The following SS18 variants were observed in gnomAD, a reference collection of about 807,000 sequenced individuals.
The protein encoded by SS18 is SS18 subunit of BAF chromatin remodeling complex, also known as protein SSXT.
A neutral mutation model predicts 72.5 loss-of-function variants in SS18; 28 were observed. The ratio of observed to expected loss-of-function variants is 0.39; its 90% CI spans 0.29 to 0.53. The LOEUF is 0.53. Among genes scored for constraint, SS18 ranks in the 20% least tolerant of loss-of-function variants. The probability of loss-of-function intolerance (pLI) is 0.76; values close to 1 mark genes in which losing one functional copy is unlikely to be tolerated. For synonymous variants in SS18, 172 were observed against 164.2 expected (o/e 1.05, Z -0.37); for missense variants, 518 against 535.3 (o/e 0.97, Z 0.32).
intron 2 of SS18, among the ~76,000 whole-genome samples, chr18:26,081,756 TCC>T (rs2054527581): frequency 1.3e-5 from 2 of 151,270 alleles, no homozygotes; most frequent in African/African-American, 4.9e-5. Flanking sequence ...AATGTTTTAT[TCC>T]TAAAACAGTA....
intron 10 of SS18, among the ~76,000 whole-genome samples, chr18:26,027,398 C>A (rs1157952995): frequency 6.6e-6 from 1 of 151,898 alleles, no homozygotes; most frequent in African/African-American, 2.4e-5. Flanking sequence ...CCTGTAATCC[C>A]AGCACTCTAG....
At chr18:26,089,127 T>C (rs944970861) in intron 1 of SS18, among the ~76,000 whole-genome samples, 1 of 152,212 alleles carries the variant, frequency 6.6e-6, no homozygotes, top group African/African-American at 2.4e-5. Flanking sequence ...CATTTTTCTG[T>C]TCAGCTGAGA....
At chr18:26,050,561 A>G (rs1210131763) in intron 5 of SS18, among the ~76,000 whole-genome samples, 1 of 152,172 alleles carries the variant, frequency 6.6e-6, no homozygotes, top group Non-Finnish European at 1.5e-5. Flanking sequence ...AAATGCTTTT[A>G]TAAGAAACTC....
At chr18:26,090,685 C>A, upstream of SS18, 1 of 1,112,162 alleles carries the variant, frequency 9.0e-7, no homozygotes. Context: ...AGGGGGGATG[C>A]TCCGGGGCCA....
chr18:26,041,289 T>C (rs2053718636), intron 5 of SS18, among the ~76,000 whole-genome samples: 1 of 152,064 alleles, frequency 6.6e-6, no homozygotes, highest in African/African-American at 2.4e-5. Flanking sequence ...CCAGGCATGG[T>C]GGTGCACACC....
At chr18:26,090,164 G>T (rs1007659518) in intron 1 of SS18, 19 of 309,790 alleles carry the variant, frequency 6.1e-5, no homozygotes, top group Non-Finnish European at 1.0e-4. Context: ...GGGGCCGCCG[G>T]TCCGACACAC....
rs549083772 is a variant in SS18, at chr18:26,018,414, T to C, written c.1231-34A>G. ...TAAATTTAAAAATATAATTAGATAA[T>C]AGTTTGACCATAACAGGCAAAGAAG... On this transcript the variant is annotated intron_variant, in intron 10 of 10. Coordinates refer to ENST00000415083, the MANE Select transcript of SS18 (RefSeq NM_001007559.3). 8 of 1,423,856 alleles carry C rather than the reference T, an allele frequency of 5.6e-6. No homozygotes were observed. The African/African-American group carries it at 8.6e-5, about 15-fold the overall frequency. 88.2% of individuals were successfully genotyped at this position (1,423,856 alleles called of 1,614,324 possible).
chr18:26,030,505 G>A (rs963295934), intron 10 of SS18, among the ~76,000 whole-genome samples: 5 of 152,154 alleles, frequency 3.3e-5, no homozygotes, highest in African/African-American at 1.2e-4. Context: ...TAAAGACTGA[G>A]TCCACGTCTA....
rs573451882 is a variant in SS18 at position 26,022,596 on chromosome 18, A to C, written c.1231-4216T>G. 2.6e-5 allele frequency among the ~76,000 whole-genome samples: 4 copies of C among 152,310 alleles called. No homozygotes were observed. In the South Asian group the frequency reaches 8.3e-4, roughly 32 times the overall value. On this transcript the variant is annotated intron_variant, in intron 10 of 10. Coordinates refer to ENST00000415083, the MANE Select transcript of SS18 (RefSeq NM_001007559.3). ...CTTGAGAGTTTCCAGTCTGCAGTGC[A>C]CGAAGGGGAACTGAGGCTGAGTCTG...
intron 3 of SS18, among the ~76,000 whole-genome samples, chr18:26,063,904 G>C (rs542690362): frequency 3.6e-4 from 55 of 152,020 alleles, no homozygotes; most frequent in Non-Finnish European, 5.0e-4. Context: ...ATCAAGAAAA[G>C]ACAGAAATTC....
chr18:26,049,972 C>T (rs1398693574), intron 5 of SS18, among the ~76,000 whole-genome samples: 3 of 152,242 alleles, frequency 2.0e-5, no homozygotes, highest in Admixed American at 6.5e-5. Flanking sequence ...TTGGGCCCAG[C>T]GCAGTGGCTT....
At position 26,090,240 on chromosome 18, in the gene SS18, G is replaced by C; in HGVS notation, c.69+261C>G. 7.7e-6 allele frequency: 4 copies of C among 520,214 alleles called. No individual in the cohort carries two copies. The South Asian group carries it at 9.6e-5, about 13-fold the overall frequency. The allele number at this position is 520,214 out of a possible 1,614,324, so 32.2% of individuals were successfully genotyped here. A position where few individuals can be genotyped will look rare whatever the true frequency, so the allele number is the denominator to read the frequency against. ...CAGCCCGAACGCCGCCCCATCCCTAGAGAAATCAGGCGGCGGCTGTTTGGG... is the reference window on the plus strand; with the variant it reads ...CAGCCCGAACGCCGCCCCATCCCTACAGAAATCAGGCGGCGGCTGTTTGGG... On this transcript the variant is annotated intron_variant, in intron 1 of 10. Coordinates refer to ENST00000415083, the MANE Select transcript of SS18 (RefSeq NM_001007559.3).
At chr18:26,030,907 T>C (rs533887523) in intron 10 of SS18, among the ~76,000 whole-genome samples, 14 of 151,974 alleles carry the variant, frequency 9.2e-5, no homozygotes, top group Admixed American at 6.6e-4. Context: ...TTCAGAAATA[T>C]AGAAACTAAA....
intron 5 of SS18, among the ~76,000 whole-genome samples, chr18:26,047,927 A>G (rs565771420): frequency 6.6e-6 from 1 of 152,390 alleles, no homozygotes; most frequent in East Asian, 1.9e-4. Flanking sequence ...AATTCACATA[A>G]GGCAAACAGA....
At chr18:26,034,248 G>A (rs979970967) in intron 9 of SS18, among the ~76,000 whole-genome samples, 6 of 152,098 alleles carry the variant, frequency 3.9e-5, no homozygotes, top group Non-Finnish European at 8.8e-5. Context: ...AGATATTACC[G>A]ACGTGAAAGA....
chr18:26,037,700 T>G (rs1034460080), intron 7 of SS18, among the ~76,000 whole-genome samples: 1 of 152,136 alleles, frequency 6.6e-6, no homozygotes, highest in Non-Finnish European at 1.5e-5. Context: ...GTAATTTATA[T>G]TTACATCAAA....
At chr18:26,068,275 G>T (rs530415585) in intron 3 of SS18, 1 of 151,942 alleles carries the variant, frequency 6.6e-6, no homozygotes, top group South Asian at 2.1e-4. Context: ...TTTTTTTACT[G>T]TAATTAAAAA....
intron 7 of SS18, 119 bp downstream of exon 7, chr18:26,038,436 A>C (rs1406354950): frequency 1.1e-6 from 1 of 914,434 alleles, no homozygotes; most frequent in Non-Finnish European, 1.7e-6. Context: ...GAAGTGTTTC[A>C]AAATTTAGAG....
intron 3 of SS18, among the ~76,000 whole-genome samples, chr18:26,067,657 A>G (rs895315937): frequency 6.6e-6 from 1 of 152,206 alleles, no homozygotes; most frequent in African/African-American, 2.4e-5. Context: ...TAACGAGAAA[A>G]TGTTCAAGAA....
Sources: allele counts gnomAD v4.1 joint callset (sites outside exome capture counted in the v4.1 genomes callset), GRCh38; gene constraint gnomAD v4.1.1; transcripts MANE v1.5; gene names NCBI Gene and HGNC (gene_info 2026-07-23, HGNC 2026-07-21).